SPTBN2: variants seen among roughly 807,000 people sequenced by gnomAD.
The protein encoded by SPTBN2 is spectrin beta chain, non-erythrocytic 2.
A neutral mutation model predicts 284.2 loss-of-function variants in SPTBN2; 107 were observed. The ratio of observed to expected loss-of-function variants is 0.38; its 90% confidence interval spans 0.32 to 0.44. The LOEUF is 0.44. Ranked by LOEUF, SPTBN2 falls within the 20% of genes least tolerant of loss-of-function variation. SPTBN2 has a pLI of 1.00. For missense variants in SPTBN2, 2,569 were observed against 3,287.1 expected, an observed-to-expected ratio of 0.78 and a Z score of 5.34; for synonymous variants, 1,289 against 1,354.8, an observed-to-expected ratio of 0.95 and a Z score of 1.07.
chr11:66,694,493 C>G, intron 21 of SPTBN2, 130 bp from the exon 22 acceptor site: 1 of 909,182 alleles, frequency 1.1e-6, no homozygotes, highest in Admixed American at 2.7e-5. Flanking sequence ...GGAGAGCATC[C>G]CCTCATGGGC....
At chr11:66,690,462 G>A in intron 27 of SPTBN2, 179 bp from the exon 28 acceptor site, 3 of 829,664 alleles carry the variant, frequency 3.6e-6, no homozygotes, top group Non-Finnish European at 3.7e-6. Flanking sequence ...ACTCTGCCCT[G>A]TTGGGTCTCA....
At chr11:66,686,735 C>G (rs1940140508) in intron 36 of SPTBN2, 2 of 637,182 alleles carry the variant, frequency 3.1e-6, no homozygotes, top group African/African-American at 1.8e-5. Flanking sequence ...AGATCCCTAC[C>G]TTTGGATTTC....
At chr11:66,709,532 C>T (rs1941750227) in intron 10 of SPTBN2, among the ~76,000 whole-genome samples, 1 of 152,198 alleles carries the variant, frequency 6.6e-6, no homozygotes, top group Non-Finnish European at 1.5e-5. Context: ...AACACCTTTC[C>T]ATGTCAATAA....
At position 66,691,539 on chromosome 11, in the gene SPTBN2, G is replaced by C. The variant is rs142489577; in HGVS notation, c.5310C>G (p.Ala1770=). Residue 1770 remains alanine (A), a synonymous_variant, in exon 27 of 38, where the codon GCC becomes GCG. Coordinates refer to ENST00000533211, the MANE Select transcript of SPTBN2 (RefSeq NM_006946.4). This position sits in a 1 kb window ranked among gnomAD's most constrained non-coding sequence, Gnocchi z 8.0. ...GACTGTCCTTCCACTCGGCCACGGT[G>C]GCCCGTGCAGCATGGCCCCCAGCAA... ...GLIAGGHAAR[A]TVAEWKDSLN... 2.1e-4 allele frequency: 340 copies of C among 1,613,088 alleles called. No homozygotes were observed. The highest frequency in any genetic ancestry group is 2.7e-4 in the Non-Finnish European group (317 of 1,180,058).
Position 66,688,036 on chromosome 11 carries a change from T to TG in SPTBN2, c.6417_6418insC (p.Asn2140GlnfsTer20), listed in dbSNP as rs1940261820. ...GGCTCTCCATCTGTGCAGACTCCAT[T>TG]AACACTGGGTGCTTGTGTGGATGGT... On this transcript the variant is annotated frameshift_variant, in exon 33 of 38. Transcript: ENST00000533211. LOFTEE classifies it high-confidence loss of function. 2.5e-6 allele frequency: 4 copies of TG among 1,614,050 alleles called. No homozygotes were observed. Among genetic ancestry groups the TG allele is most frequent in the Non-Finnish European group, 3.4e-6 (4 of 1,180,034 alleles).
rs1264994246 is a variant in SPTBN2 at position 66,705,013 on chromosome 11, C to T, written c.2263G>A (p.Asp755Asn). ...QAASLYQFQA[D>N]ANDMEAWLVD... Reference sequence around the variant, plus strand: ...AACCAGGCCTCCATGTCGTTTGCATCGGCCTGGAACTGGTAGAGGCTGGCG... The same window carrying T: ...AACCAGGCCTCCATGTCGTTTGCATTGGCCTGGAACTGGTAGAGGCTGGCG... Residue 755 changes from aspartate (D) to asparagine (N), a missense_variant, in exon 15 of 38, where the codon GAT becomes AAT. Asp to Asn is a conservative substitution (Grantham distance 23). Around this residue, in one of 6 missense-constraint regions of SPTBN2, gnomAD observed 1,012 missense variants for 1,248.9 expected, o/e 0.81. Coordinates refer to ENST00000533211, the MANE Select transcript of SPTBN2 (RefSeq NM_006946.4). The T allele has an allele frequency of 3.1e-6, 5 of 1,603,650 alleles. No individual in the cohort carries two copies. The highest frequency in any genetic ancestry group is 3.4e-6 in the Non-Finnish European group (4 of 1,179,752).
rs191967644 is a variant in SPTBN2 at position 66,707,345 on chromosome 11, G to C, written c.1653+171C>G. 6.6e-6 allele frequency among the ~76,000 whole-genome samples: 1 copy of C among 152,164 alleles called. No individual in the cohort carries two copies. Among genetic ancestry groups the C allele is most frequent in the African/African-American group, 2.4e-5 (1 of 41,430 alleles). On this transcript the variant is annotated intron_variant, in intron 13 of 37. Coordinates refer to ENST00000533211, the MANE Select transcript of SPTBN2 (RefSeq NM_006946.4). This position sits in a 1 kb window ranked among gnomAD's most constrained non-coding sequence, Gnocchi z 4.9. ...TCATCAGCCTCCTCCATGTGGACAC[G>C]AACCCCATGTGGACAGGGCCCTGTT... is the stretch of plus-strand genomic sequence containing the variant.
intron 10 of SPTBN2, among the ~76,000 whole-genome samples, chr11:66,709,867 A>T (rs1024247332): frequency 6.6e-6 from 1 of 152,212 alleles, no homozygotes; most frequent in Non-Finnish European, 1.5e-5. Context: ...TACTGAAATG[A>T]TAAGAACCTC....
At chr11:66,701,380 T>C in intron 16 of SPTBN2, 98 bp from the exon 17 acceptor site, 1 of 1,547,096 alleles carries the variant, frequency 6.5e-7, no homozygotes. Flanking sequence ...CCTTCACTCC[T>C]CCCTTTCTGG....
chr11:66,723,361 G>C (rs1273951173), intron 1 of SPTBN2, among the ~76,000 whole-genome samples: 2 of 152,074 alleles, frequency 1.3e-5, no homozygotes, highest in Non-Finnish European at 2.9e-5. Flanking sequence ...TGTAGTCTCG[G>C]TAGTCTCGGG....
chr11:66,730,429 C>G (rs145531606), upstream of SPTBN2, among the ~76,000 whole-genome samples: 1,644 of 151,934 alleles, frequency 0.011, 37 homozygotes, highest in African/African-American at 0.037. Context: ...TAAAAATACA[C>G]AAATTAGCCA....
chr11:66,741,387 C>T (rs570927831), intron 1 of SPTBN2, among the ~76,000 whole-genome samples: 2 of 152,314 alleles, frequency 1.3e-5, no homozygotes, highest in South Asian at 4.1e-4. Context: ...TTCTAAGTTT[C>T]CTGAGGCCTC....
intron 1 of SPTBN2, among the ~76,000 whole-genome samples, chr11:66,734,350 C>A (rs1229152924): frequency 6.6e-6 from 1 of 152,096 alleles, no homozygotes; most frequent in Non-Finnish European, 1.5e-5. Flanking sequence ...CAGTGGCTCC[C>A]CACTGCCCTT....
intron 30 of SPTBN2, 68 bp from the exon 31 acceptor site, chr11:66,688,917 G>C: frequency 1.3e-6 from 2 of 1,570,122 alleles, no homozygotes; most frequent in Non-Finnish European, 1.7e-6. Flanking sequence ...CAGTGGCCAT[G>C]GCAACCTCAA....
chr11:66,699,230 G>A, intron 18 of SPTBN2, 148 bp from the exon 19 acceptor site: 1 of 1,296,604 alleles, frequency 7.7e-7, no homozygotes. Context: ...CTTCCTTTTA[G>A]CCCTGGTTGG....
At position 66,705,038 on chromosome 11, in the gene SPTBN2, G is replaced by A. The variant is rs555186039; in HGVS notation, c.2238C>T (p.Ala746=). Residue 746 remains alanine, a synonymous_variant, in exon 15 of 38, where the codon GCC becomes GCT. Transcript: ENST00000533211. ...CGGCCTGGAACTGGTAGAGGCTGGC[G>A]GCTTGGGCCAGCCGCTGGGCACGCT... The part of the protein sequence containing the change: ...AEERAQRLAQ[A]ASLYQFQADA... 165 of 1,600,180 alleles carry A rather than the reference G, an allele frequency of 1.0e-4. No homozygotes were observed. The highest frequency in any genetic ancestry group is 4.3e-4 in the African/African-American group (32 of 75,032).
intron 1 of SPTBN2, among the ~76,000 whole-genome samples, chr11:66,744,001 C>A (rs1441760338): frequency 2.6e-4 from 40 of 152,122 alleles, no homozygotes. Flanking sequence ...GCTGGGATTA[C>A]AGGCGCCCGC....
In SPTBN2 at chr11:66,719,019, T is replaced by C. The variant is rs368359315; in HGVS notation, c.157+2065A>G. Among the ~76,000 whole-genome samples the C allele has an allele frequency of 3.3e-5, 5 of 152,348 alleles. No homozygotes were observed. The South Asian group carries it at 8.3e-4, about 25-fold the overall frequency. The stretch of plus-strand genomic sequence containing the variant: ...CAGGACCCACGAGAGGGGCCCCCAA[T>C]GCAAACTCCTGTTTCCCAGAGGTTT... On this transcript the variant is annotated intron_variant, in intron 3 of 37. Coordinates refer to ENST00000533211, the MANE Select transcript of SPTBN2 (RefSeq NM_006946.4).
At chr11:66,699,725 G>A (rs756398908) in intron 17 of SPTBN2, 117 bp from the exon 18 acceptor site, 69 of 1,036,104 alleles carry the variant, frequency 6.7e-5, no homozygotes, top group Non-Finnish European at 9.2e-5. Context: ...AGGGAGGGTA[G>A]CCCAGAGAGC....
Sources: gnomAD v4.1 joint callset for allele counts (sites outside exome capture counted in the v4.1 genomes callset) on GRCh38, gnomAD v4.1.1 for gene constraint, gnomAD v4.1.1 regional missense constraint, Gnocchi (gnomAD v3.1) non-coding constraint, MANE v1.5 for transcripts, NCBI Gene and HGNC (gene_info 2026-07-23, HGNC 2026-07-21) for gene names.